Variants in PPP2R3A observed in about 807,000 individuals in gnomAD.
PPP2R3A encodes serine/threonine-protein phosphatase 2A regulatory subunit B'' subunit alpha.
In PPP2R3A, 80 loss-of-function variants were observed where a neutral mutation model predicts 106.9. That is an observed-to-expected ratio of 0.75 (90% confidence interval 0.62 to 0.90). The LOEUF (loss-of-function observed/expected upper bound fraction) is 0.90, where lower values mean the gene tolerates loss of function less well. Ranked by LOEUF, PPP2R3A falls within the 40% of genes least tolerant of loss-of-function variation. The probability of loss-of-function intolerance (pLI) is 0.00; values close to 1 mark genes in which losing one functional copy is unlikely to be tolerated. For missense variants in PPP2R3A, 1,386 were observed against 1,350.4 expected (o/e 1.03, Z -0.41); for synonymous variants, 483 against 468.3 (o/e 1.03, Z -0.41).
intron 13 of PPP2R3A, among the ~76,000 whole-genome samples, chr3:136,119,588 G>C (rs1937912502): frequency 6.6e-6 from 1 of 152,164 alleles, no homozygotes; most frequent in Non-Finnish European, 1.5e-5. Context: ...CATTTATGCA[G>C]CCAACAAACA....
intron 2 of PPP2R3A, among the ~76,000 whole-genome samples, chr3:136,025,303 T>C (rs556686043): frequency 1.3e-5 from 2 of 152,254 alleles, no homozygotes; most frequent in South Asian, 4.1e-4. Flanking sequence ...CATCAGTGTT[T>C]TAAGTTTTTC....
chr3:136,071,067 A>G (rs1029977763), intron 6 of PPP2R3A, among the ~76,000 whole-genome samples: 2 of 152,250 alleles, frequency 1.3e-5, no homozygotes, highest in African/African-American at 4.8e-5. Flanking sequence ...GGTCAGTCCC[A>G]GTTAGGTCAG....
At chr3:136,026,188 C>T (rs967054025) in intron 2 of PPP2R3A, among the ~76,000 whole-genome samples, 9 of 152,060 alleles carry the variant, frequency 5.9e-5, no homozygotes, top group Admixed American at 3.9e-4. Flanking sequence ...CCTATTGGAG[C>T]AAACCACAAA....
intron 2 of PPP2R3A, among the ~76,000 whole-genome samples, chr3:136,013,800 G>A (rs1576434715): frequency 9.4e-6 from 1 of 105,948 alleles, no homozygotes; most frequent in African/African-American, 3.1e-5. Context: ...CTTCCACGCT[G>A]TGGTTTGTTA....
At chr3:136,129,034 T>C (rs1346714275) in intron 13 of PPP2R3A, among the ~76,000 whole-genome samples, 1 of 152,032 alleles carries the variant, frequency 6.6e-6, no homozygotes, top group Admixed American at 6.6e-5. Flanking sequence ...TGGAGGGAAA[T>C]TTATAGCGCT....
chr3:136,010,909 C>T (rs1047820393), intron 2 of PPP2R3A, among the ~76,000 whole-genome samples: 1 of 152,198 alleles, frequency 6.6e-6, no homozygotes, highest in South Asian at 2.1e-4. Flanking sequence ...AGCTTTAAAA[C>T]AAAACAGACC....
intron 1 of PPP2R3A, among the ~76,000 whole-genome samples, chr3:135,984,769 TAAA>T (rs1937583634): frequency 6.6e-6 from 1 of 152,174 alleles, no homozygotes; most frequent in Non-Finnish European, 1.5e-5. Context: ...ACGCTGCTGA[TAAA>T]AACATATCCA....
chr3:136,021,000 A>G (rs894824061), intron 2 of PPP2R3A, among the ~76,000 whole-genome samples: 1 of 152,210 alleles, frequency 6.6e-6, no homozygotes, highest in African/African-American at 2.4e-5. Context: ...GATGATTAGA[A>G]TGTATAATTT....
chr3:136,006,581 A>G (rs954407718), intron 2 of PPP2R3A, among the ~76,000 whole-genome samples: 15 of 152,214 alleles, frequency 9.9e-5, no homozygotes, highest in African/African-American at 3.6e-4. Flanking sequence ...CAAGACTTAG[A>G]AAAACAGGCA....
chr3:136,010,241 TTTTC>T (rs1934002961), intron 2 of PPP2R3A, among the ~76,000 whole-genome samples: 1 of 150,322 alleles, frequency 6.7e-6, no homozygotes, highest in Non-Finnish European at 1.5e-5. Context: ...GCTCCTGTCT[TTTTC>T]TTTTCTTTCT....
At chr3:136,096,654 T>C (rs547038336) in intron 10 of PPP2R3A, among the ~76,000 whole-genome samples, 2 of 152,378 alleles carry the variant, frequency 1.3e-5, no homozygotes, top group African/African-American at 2.4e-5. Context: ...ATAAAATATG[T>C]ATATTGAATA....
intron 3 of PPP2R3A, among the ~76,000 whole-genome samples, chr3:136,034,852 T>C (rs1214303961): frequency 1.3e-5 from 2 of 152,212 alleles, no homozygotes; most frequent in Admixed American, 6.5e-5. Context: ...TGTTAAACTG[T>C]CTGTCTCATT....
At chr3:136,098,513 A>G (rs557972835) in intron 10 of PPP2R3A, among the ~76,000 whole-genome samples, 1 of 152,182 alleles carries the variant, frequency 6.6e-6, no homozygotes, top group Non-Finnish European at 1.5e-5. Context: ...TGTGGTTCTT[A>G]ATATGGTTTC....
chr3:136,081,136 G>T (rs1201418155), intron 7 of PPP2R3A, among the ~76,000 whole-genome samples: 1 of 152,004 alleles, frequency 6.6e-6, no homozygotes, highest in Non-Finnish European at 1.5e-5. Context: ...GGGATTACAG[G>T]CGCCTGCCAC....
chr3:136,072,933 TAGCA>T (rs1354452795), intron 6 of PPP2R3A, among the ~76,000 whole-genome samples: 3 of 152,194 alleles, frequency 2.0e-5, no homozygotes, highest in African/African-American at 7.2e-5. Flanking sequence ...TTTGGTCACC[TAGCA>T]AGTAGTCCTT....
intron 7 of PPP2R3A, chr3:136,079,274 C>A: frequency 2.4e-6 from 1 of 414,530 alleles, no homozygotes; most frequent in Non-Finnish European, 4.9e-6. Flanking sequence ...CCTGCCTGGG[C>A]TCTCAGTAGG....
chr3:136,133,846 T>C (rs1938508593), intron 13 of PPP2R3A, among the ~76,000 whole-genome samples: 1 of 145,056 alleles, frequency 6.9e-6, no homozygotes, highest in Non-Finnish European at 1.5e-5. Context: ...GCTGAGATTG[T>C]GCCATTGCAC....
intron 12 of PPP2R3A, among the ~76,000 whole-genome samples, chr3:136,105,876 C>T (rs1160344954): frequency 6.6e-6 from 1 of 152,026 alleles, no homozygotes; most frequent in Non-Finnish European, 1.5e-5. Flanking sequence ...AGGAGAATTG[C>T]TTGAACCCAG....
At chr3:136,126,111 G>C (rs1938170575) in intron 13 of PPP2R3A, among the ~76,000 whole-genome samples, 1 of 152,234 alleles carries the variant, frequency 6.6e-6, no homozygotes, top group Admixed American at 6.5e-5. Flanking sequence ...TTCCAACTGA[G>C]GTACTTGGTT....
Sources: gnomAD v4.1 joint callset for allele counts (sites outside exome capture counted in the v4.1 genomes callset) on GRCh38, gnomAD v4.1.1 for gene constraint, MANE v1.5 for transcripts, NCBI Gene and HGNC (gene_info 2026-07-23, HGNC 2026-07-21) for gene names.